PPP1R12A: variants seen among roughly 807,000 people sequenced by gnomAD.
The protein encoded by PPP1R12A is myosin binding subunit.
PPP1R12A carries 19 observed loss-of-function variants against 139.6 expected under a neutral mutation model. The ratio of observed to expected loss-of-function variants is 0.14; its 90% CI spans 0.09 to 0.20. PPP1R12A has a LOEUF of 0.20. Ranked by LOEUF, PPP1R12A falls within the 10% of genes least tolerant of loss-of-function variation. The pLI is 1.00. For missense variants in PPP1R12A, 925 were observed against 1,211.5 expected (o/e 0.76, Z 3.51); for synonymous variants, 427 against 420.6 (o/e 1.02, Z -0.19).
At chr12:79,845,489 A>G in intron 2 of PPP1R12A, 69 bp from the exon 3 acceptor site, 1 of 1,143,484 alleles carries the variant, frequency 8.7e-7, no homozygotes, top group South Asian at 1.4e-5. Context: ...ATGCATAACC[A>G]ATGAGGAAAG....
intron 3 of PPP1R12A, among the ~76,000 whole-genome samples, chr12:79,835,756 C>T (rs1442780163): frequency 2.6e-5 from 4 of 152,174 alleles, no homozygotes; most frequent in African/African-American, 9.7e-5. Flanking sequence ...GGTCTCAGTG[C>T]ATTTTTAACT....
chr12:79,833,039 T>C (rs1235758330), intron 3 of PPP1R12A, among the ~76,000 whole-genome samples: 1 of 152,190 alleles, frequency 6.6e-6, no homozygotes, highest in African/African-American at 2.4e-5. Context: ...ATTTTCATAA[T>C]TTTAGTAAGT....
At chr12:79,890,710 T>C (rs991212332) in intron 1 of PPP1R12A, among the ~76,000 whole-genome samples, 1 of 152,136 alleles carries the variant, frequency 6.6e-6, no homozygotes, top group African/African-American at 2.4e-5. Context: ...ACATAAAGCA[T>C]GGAGGCCTAG....
chr12:79,794,646 GCTTTTCAAAA>G (rs1872285996), intron 18 of PPP1R12A, among the ~76,000 whole-genome samples: 1 of 151,770 alleles, frequency 6.6e-6, no homozygotes, highest in Admixed American at 6.6e-5. Flanking sequence ...TCAAAAGGAA[GCTTTTCAAAA>G]AAGCAGAATT....
intron 1 of PPP1R12A, among the ~76,000 whole-genome samples, chr12:79,897,573 AAAC>A (rs1276649846): frequency 1.3e-5 from 2 of 152,224 alleles, no homozygotes; most frequent in Admixed American, 1.3e-4. Context: ...AAGCAAAACA[AAAC>A]AAAAGAAAAA....
chr12:79,892,680 G>A lies in PPP1R12A; in HGVS notation c.238-19742C>T, dbSNP rs116488906. Among the ~76,000 whole-genome samples, 822 of 152,178 alleles carry A rather than the reference G, an allele frequency of 5.4e-3. 5 individuals are homozygous for A. The highest frequency in any genetic ancestry group is 0.019 in the African/African-American group (781 of 41,514). On this transcript the variant is annotated intron_variant, in intron 1 of 24. Transcript: ENST00000450142. ...TAATAGGGCAGAAATAAGAACACCT[G>A]AATTTTTAATCTGCCTCCTGAAACA... is the stretch of plus-strand genomic sequence containing the variant.
rs778124856 is a variant in PPP1R12A, at chr12:79,786,495, A to G, written c.2803-17T>C. On this transcript the variant is annotated splice_polypyrimidine_tract_variant and intron_variant, in intron 21 of 24. Transcript: ENST00000450142. ...TTCATAAAGCTATAAAAATTAGGGTAAAAGAACAAATTACTTTTCTGCTCT... is the reference window on the plus strand; with the variant it reads ...TTCATAAAGCTATAAAAATTAGGGTGAAAGAACAAATTACTTTTCTGCTCT... 6.8e-7 allele frequency: 1 copy of G among 1,463,026 alleles called. No homozygotes were observed. Among genetic ancestry groups the G allele is most frequent in the Non-Finnish European group, 9.2e-7 (1 of 1,086,496 alleles). The allele number at this position is 1,463,026 out of a possible 1,614,324, so 90.6% of individuals were successfully genotyped here.
At chr12:79,877,610 G>A (rs369098473) in intron 1 of PPP1R12A, among the ~76,000 whole-genome samples, 1 of 152,106 alleles carries the variant, frequency 6.6e-6, no homozygotes, top group African/African-American at 2.4e-5. Flanking sequence ...CCGCCTCCCG[G>A]GTTCAACCGA....
At chr12:79,860,756 A>T (rs911918401) in intron 2 of PPP1R12A, among the ~76,000 whole-genome samples, 3 of 152,208 alleles carry the variant, frequency 2.0e-5, no homozygotes, top group Non-Finnish European at 2.9e-5. Context: ...AACACATAGT[A>T]ACCTGATGGT....
At chr12:79,849,181 C>T (rs1417761831) in intron 2 of PPP1R12A, among the ~76,000 whole-genome samples, 5 of 151,962 alleles carry the variant, frequency 3.3e-5, no homozygotes, top group Non-Finnish European at 5.9e-5. Context: ...GTCAGAAGTT[C>T]GAGACCAGCC....
In PPP1R12A at chr12:79,906,905, C is replaced by T. The variant is rs117359718; in HGVS notation, c.237+27790G>A. On this transcript the variant is annotated intron_variant, in intron 1 of 24. Transcript: ENST00000450142. ...AAGTGATTTGCCCGCCTCGGCCTCCCGAGGCAGGCAAATTACAGTGCTAGG... is the reference window on the plus strand; with the variant it reads ...AAGTGATTTGCCCGCCTCGGCCTCCTGAGGCAGGCAAATTACAGTGCTAGG... 1.1e-4 allele frequency among the ~76,000 whole-genome samples: 17 copies of T among 152,228 alleles called. No homozygotes were observed. In the East Asian group the frequency reaches 2.7e-3, roughly 24 times the overall value.
intron 3 of PPP1R12A, 186 bp from the exon 4 acceptor site, chr12:79,832,677 C>G (rs1024669198): frequency 2.3e-6 from 1 of 435,886 alleles, no homozygotes; most frequent in Non-Finnish European, 3.9e-6. Flanking sequence ...CTTGTATTAA[C>G]TTTTTCTACT....
chr12:79,932,996 A>G (rs1888360956), intron 1 of PPP1R12A, among the ~76,000 whole-genome samples: 1 of 152,196 alleles, frequency 6.6e-6, no homozygotes, highest in Non-Finnish European at 1.5e-5. Context: ...TGTAAAGTAC[A>G]CTTGAAAGAA....
Position 79,778,556 on chromosome 12 carries a change from C to T in PPP1R12A, c.3000G>A (p.Glu1000=). 5 of 1,533,282 alleles carry T rather than the reference C, an allele frequency of 3.3e-6. No homozygotes were observed. The highest frequency in any genetic ancestry group is 4.4e-6 in the Non-Finnish European group (5 of 1,135,514). 95.0% of individuals were successfully genotyped at this position (1,533,282 alleles called of 1,614,324 possible). A position where few individuals can be genotyped will look rare whatever the true frequency, so the allele number is the denominator to read the frequency against. Residue 1000 remains glutamate, a synonymous_variant, in exon 24 of 25, where the codon GAG becomes GAA. Coordinates refer to ENST00000450142, the MANE Select transcript of PPP1R12A (RefSeq NM_002480.3). ...LERRISEMEE[E]LKMLPDLKAD... ...AGTAACATAGTTTACTTACTTTGAG[C>T]TCTTCTTCCATTTCAGATATTCTTC...
At chr12:79,911,827 G>A (rs972434593) in intron 1 of PPP1R12A, among the ~76,000 whole-genome samples, 5 of 151,726 alleles carry the variant, frequency 3.3e-5, no homozygotes, top group East Asian at 1.9e-4. Flanking sequence ...CTCCACCTCC[G>A]ATTCCCCCCA....
At position 79,935,047 on chromosome 12, in the gene PPP1R12A, G is replaced by T; in HGVS notation, c.-116C>A. On this transcript the variant is annotated 5_prime_UTR_variant, in exon 1 of 25. Transcript: ENST00000450142. ...TTCTATGAGTGCGGGCCAGAGGAGG[G>T]CTGGGAACCCGGAGCCGACGCTCGA... The T allele has an allele frequency of 1.4e-6, 2 of 1,411,552 alleles. No homozygotes were observed. The highest frequency in any genetic ancestry group is 1.8e-6 in the Non-Finnish European group (2 of 1,084,428). The allele number at this position is 1,411,552 out of a possible 1,614,324, so 87.4% of individuals were successfully genotyped here.
chr12:79,826,447 T>C (rs1342466170), intron 5 of PPP1R12A, among the ~76,000 whole-genome samples: 1 of 149,730 alleles, frequency 6.7e-6, no homozygotes, highest in Non-Finnish European at 1.5e-5. Flanking sequence ...CAAGCGATCC[T>C]TCTACCTCAG....
chr12:79,841,154 C>A (rs1398706607), intron 3 of PPP1R12A, among the ~76,000 whole-genome samples: 1 of 152,024 alleles, frequency 6.6e-6, no homozygotes, highest in Non-Finnish European at 1.5e-5. Flanking sequence ...ACCTTGTACT[C>A]CTGGCGTCAA....
chr12:79,868,539 G>A (rs1882230137), intron 2 of PPP1R12A, among the ~76,000 whole-genome samples: 1 of 149,854 alleles, frequency 6.7e-6, no homozygotes, highest in East Asian at 1.9e-4. Context: ...AGCAGCTTTG[G>A]TTTCTTCATA....
Sources: allele counts gnomAD v4.1 joint callset (sites outside exome capture counted in the v4.1 genomes callset), GRCh38; gene constraint gnomAD v4.1.1; transcripts MANE v1.5; gene names NCBI Gene and HGNC (gene_info 2026-07-23, HGNC 2026-07-21).